Variants in GAD2 observed in about 807,000 individuals in gnomAD.
GAD2 encodes 65 kDa glutamic acid decarboxylase.
Under a neutral mutation model 80.1 loss-of-function variants are expected in GAD2, and 22 were observed. The ratio of observed to expected loss-of-function variants is 0.27; its 90% CI spans 0.20 to 0.39. The LOEUF is 0.39. GAD2 is among the 10% of genes least tolerant of loss of function. GAD2 has a pLI of 1.00. For missense variants in GAD2, 624 were observed against 738.4 expected, an observed-to-expected ratio of 0.85 and a Z score of 1.80; for synonymous variants, 274 against 256.9, an observed-to-expected ratio of 1.07 and a Z score of -0.64.
At chr10:26,235,906 T>G (rs562749848) in intron 7 of GAD2, among the ~76,000 whole-genome samples, 1 of 152,340 alleles carries the variant, frequency 6.6e-6, no homozygotes, top group East Asian at 1.9e-4. Flanking sequence ...CGAAACAGCA[T>G]AACCTCATCT....
intron 12 of GAD2, 117 bp downstream of exon 12, chr10:26,281,204 T>G: frequency 1.5e-6 from 1 of 659,828 alleles, no homozygotes; most frequent in Non-Finnish European, 2.6e-6. Context: ...CCTACTCACA[T>G]TCCCCAGAGA....
rs1844401994 is a variant in GAD2, at chr10:26,218,002, A to G, written c.286+11A>G. ...TTCTCCATGCAACAGGTAAAGACTCAGCGGGGAGCCCCGGGGCGCCCCTGC... is the reference window on the plus strand; with the variant it reads ...TTCTCCATGCAACAGGTAAAGACTCGGCGGGGAGCCCCGGGGCGCCCCTGC... On this transcript the variant is annotated intron_variant, in intron 3 of 15. Transcript: ENST00000376261. The G allele has an allele frequency of 1.3e-6, 2 of 1,590,918 alleles. No homozygotes were observed. The highest frequency in any genetic ancestry group is 1.4e-5 in the African/African-American group (1 of 73,828).
chr10:26,268,706 G>T (rs1845100011), intron 8 of GAD2, among the ~76,000 whole-genome samples: 1 of 152,082 alleles, frequency 6.6e-6, no homozygotes, highest in Non-Finnish European at 1.5e-5. Context: ...TTCTCTTCCT[G>T]CTGTTTCATT....
At chr10:26,265,205 C>CTTT (rs66464746) in intron 8 of GAD2, among the ~76,000 whole-genome samples, 4 of 137,058 alleles carry the variant, frequency 2.9e-5, no homozygotes, top group East Asian at 2.1e-4. Context: ...CATCATACGA[C>CTTT]TTTTTTTTTT....
intron 8 of GAD2, among the ~76,000 whole-genome samples, chr10:26,251,980 G>A (rs1267180096): frequency 2.0e-5 from 3 of 152,142 alleles, no homozygotes; most frequent in South Asian, 2.1e-4. Flanking sequence ...AAACACTCTC[G>A]GCAGCCATTT....
At chr10:26,288,011 G>A (rs1202647809) in intron 13 of GAD2, among the ~76,000 whole-genome samples, 1 of 152,178 alleles carries the variant, frequency 6.6e-6, no homozygotes, top group Non-Finnish European at 1.5e-5. Context: ...TAGGAACCAT[G>A]TCCACGGCAA....
At chr10:26,235,098 T>A (rs1178589327) in intron 7 of GAD2, among the ~76,000 whole-genome samples, 1 of 152,222 alleles carries the variant, frequency 6.6e-6, no homozygotes, top group African/African-American at 2.4e-5. Context: ...GGTCTCGAAC[T>A]CCTGACCTCA....
chr10:26,222,754 G>A (rs1057292519), intron 4 of GAD2, among the ~76,000 whole-genome samples: 1 of 152,242 alleles, frequency 6.6e-6, no homozygotes, highest in South Asian at 2.1e-4. Flanking sequence ...TGATAAGAGA[G>A]CACTCCAGTG....
At position 26,224,514 on chromosome 10, in the gene GAD2, AAATGTGG is replaced by A. The variant is rs779304088; in HGVS notation, c.612-24_612-18del. 7.4e-7 allele frequency: 1 copy of A among 1,344,002 alleles called. No individual in the cohort carries two copies. The highest frequency in any genetic ancestry group is 1.2e-5 in the South Asian group (1 of 85,448). 83.3% of individuals were successfully genotyped at this position (1,344,002 alleles called of 1,614,324 possible). ...ATTATTTATCTGAGTTACAGAGGTAAAATGTGGCCATTACTACATTTCAGGTTCACCT... is the reference window on the plus strand; with the variant it reads ...ATTATTTATCTGAGTTACAGAGGTAACCATTACTACATTTCAGGTTCACCT... On this transcript the variant is annotated intron_variant, in intron 5 of 15. Transcript: ENST00000376261.
chr10:26,219,400 C>T (rs8190601), intron 4 of GAD2, 124 bp downstream of exon 4: 206 of 638,176 alleles, frequency 3.2e-4, no homozygotes, highest in African/African-American at 3.2e-3. Flanking sequence ...TTATTTTCAT[C>T]ATGTAAAAAA....
intron 8 of GAD2, among the ~76,000 whole-genome samples, chr10:26,251,222 A>C (rs1285158211): frequency 6.6e-6 from 1 of 152,014 alleles, no homozygotes; most frequent in African/African-American, 2.4e-5. Context: ...CTAATTAGAC[A>C]TGATAACATG....
rs368221971 is a variant in GAD2 at position 26,273,746 on chromosome 10, A to T, written c.1157+46A>T. The T allele has an allele frequency of 3.5e-5, 52 of 1,492,054 alleles. No individual in the cohort carries two copies. In the African/African-American group the frequency reaches 6.2e-4, roughly 18 times the overall value. 92.4% of individuals were successfully genotyped at this position (1,492,054 alleles called of 1,614,324 possible). ...TAACAACATAAAGTGTTAAAAGCTA[A>T]CTGTGAAACACAAATTACAGTCAAT... is the stretch of plus-strand genomic sequence containing the variant. On this transcript the variant is annotated intron_variant, in intron 11 of 15. Coordinates refer to ENST00000376261, the MANE Select transcript of GAD2 (RefSeq NM_001134366.2).
Position 26,292,461 on chromosome 10 carries a change from C to T in GAD2, c.1387-4C>T, listed in dbSNP as rs1303731926. On this transcript the variant is annotated splice_polypyrimidine_tract_variant and splice_region_variant and intron_variant, in intron 13 of 15. Transcript: ENST00000376261. ...TTAATGAGCTGTGTCCTTCTCTTACCTAGGGGACTACCGGGTTTGAAGCGC... is the reference window on the plus strand; with the variant it reads ...TTAATGAGCTGTGTCCTTCTCTTACTTAGGGGACTACCGGGTTTGAAGCGC... 1 of 1,610,772 alleles carries T rather than the reference C, an allele frequency of 6.2e-7. No individual in the cohort carries two copies. The highest frequency in any genetic ancestry group is 8.5e-7 in the Non-Finnish European group (1 of 1,177,028).
At chr10:26,249,745 C>T (rs374478632) in intron 8 of GAD2, among the ~76,000 whole-genome samples, 5 of 152,328 alleles carry the variant, frequency 3.3e-5, no homozygotes, top group East Asian at 1.9e-4. Context: ...ATCATGGGAA[C>T]AAGGGGCCTG....
chr10:26,220,720 C>G (rs187867932), intron 4 of GAD2, among the ~76,000 whole-genome samples: 126 of 152,300 alleles, frequency 8.3e-4, no homozygotes, highest in Non-Finnish European at 1.3e-3. Context: ...TAGTAAATTG[C>G]CACCTATTGT....
chr10:26,275,434 A>T lies in GAD2; in HGVS notation c.1157+1734A>T, dbSNP rs574339060. Reference sequence around the variant, plus strand: ...AGACTATTATTTGAGAGCAAAGCTTAGAACGTTCATCAGGGAACACAGAGT... The same window carrying T: ...AGACTATTATTTGAGAGCAAAGCTTTGAACGTTCATCAGGGAACACAGAGT... On this transcript the variant is annotated intron_variant, in intron 11 of 15. Transcript: ENST00000376261. 3.9e-5 allele frequency among the ~76,000 whole-genome samples: 6 copies of T among 152,362 alleles called. No individual in the cohort carries two copies. The South Asian group carries it at 1.2e-3, about 32-fold the overall frequency.
intron 6 of GAD2, among the ~76,000 whole-genome samples, chr10:26,228,516 C>G (rs984013193): frequency 6.6e-6 from 1 of 152,094 alleles, no homozygotes; most frequent in Non-Finnish European, 1.5e-5. Context: ...GAGGTTTATC[C>G]TTTATAACAG....
intron 7 of GAD2, among the ~76,000 whole-genome samples, chr10:26,236,354 G>A (rs113210282): frequency 0.018 from 2,712 of 148,158 alleles, 82 homozygotes; most frequent in African/African-American, 0.063. Context: ...AGGCTGGAGT[G>A]CAATGACGCA....
At position 26,300,928 on chromosome 10, in the gene GAD2, T is replaced by G. The variant is rs1414851335; in HGVS notation, c.1725T>G (p.Ile575Met). Residue 575 changes from isoleucine to methionine, a missense_variant, in exon 16 of 16, where the codon ATT becomes ATG. Ile to Met is a conservative substitution (Grantham distance 10). Coordinates refer to ENST00000376261, the MANE Select transcript of GAD2 (RefSeq NM_001134366.2). Reference protein sequence around the residue: ...AATHQDIDFLIEEIERLGQDL With the variant: ...AATHQDIDFLMEEIERLGQDL ...CTCACCAAGACATTGACTTCCTGAT[T>G]GAAGAAATAGAACGCCTTGGACAAG... 3.1e-6 allele frequency: 5 copies of G among 1,613,852 alleles called. No individual in the cohort carries two copies. The highest frequency in any genetic ancestry group is 4.2e-6 in the Non-Finnish European group (5 of 1,179,866).
Sources: gnomAD v4.1 joint callset for allele counts (sites outside exome capture counted in the v4.1 genomes callset) on GRCh38, gnomAD v4.1.1 for gene constraint, MANE v1.5 for transcripts, NCBI Gene and HGNC (gene_info 2026-07-23, HGNC 2026-07-21) for gene names.